The following HMCN1 variants were observed in gnomAD, a reference collection of about 807,000 sequenced individuals.
HMCN1 encodes the protein hemicentin-1.
HMCN1 carries 321 observed loss-of-function variants against 625.9 expected under a neutral mutation model. That is an observed-to-expected ratio of 0.51 (90% CI 0.47 to 0.56). The LOEUF (loss-of-function observed/expected upper bound fraction) is 0.56. HMCN1 is among the 20% of genes least tolerant of loss of function. The pLI is 0.00. For synonymous variants in HMCN1, 2,425 were observed against 2,417.6 expected, an observed-to-expected ratio of 1.00 and a Z score of -0.09; for missense variants, 6,588 against 6,887.3, an observed-to-expected ratio of 0.96 and a Z score of 1.54.
At chr1:186,069,077 C>G (rs1204022108) in intron 50 of HMCN1, among the ~76,000 whole-genome samples, 1 of 152,078 alleles carries the variant, frequency 6.6e-6, no homozygotes, top group Non-Finnish European at 1.5e-5. Flanking sequence ...AATGGCCTAG[C>G]CCTGCGCAAT....
In HMCN1 at chr1:185,923,483, T is replaced by C. The variant is rs1667101291; in HGVS notation, c.1115T>C (p.Leu372Pro). ...LELLSISGSS[L>P]KTIPVKYYPH... is the part of the protein sequence containing the mutation. The stretch of plus-strand genomic sequence containing the variant: ...CTTTTGAGTATCTCAGGAAGTTCTC[T>C]TAAGACTATTCCTGTTAAATATTAC... The change falls in exon 8 of 107, where the codon CTT (leucine) becomes CCT (proline). Residue 372 changes from leucine (L) to proline (P), a missense_variant. Physicochemically the swap from Leu to Pro is moderately conservative, Grantham distance 98. Coordinates refer to ENST00000271588, the MANE Select transcript of HMCN1 (RefSeq NM_031935.3). The C allele has an allele frequency of 1.2e-6, 2 of 1,611,770 alleles. No homozygotes were observed. The highest frequency in any genetic ancestry group is 1.7e-6 in the Non-Finnish European group (2 of 1,178,268).
chr1:185,940,748 A>G lies in HMCN1; in HGVS notation c.1828+6924A>G, dbSNP rs560072074. Among the ~76,000 whole-genome samples, 33 of 151,852 alleles carry G rather than the reference A, an allele frequency of 2.2e-4. No homozygotes were observed. The East Asian group carries it at 3.9e-3, about 18-fold the overall frequency. On this transcript the variant is annotated intron_variant, in intron 11 of 106. Coordinates refer to ENST00000271588, the MANE Select transcript of HMCN1 (RefSeq NM_031935.3). The stretch of plus-strand genomic sequence containing the variant: ...CTAGAAGCTTCTTTAATCAAGCTAC[A>G]TATTTTTCTTCTCTGAACACTTTTT...
At chr1:185,909,740 A>G (rs532876574) in intron 5 of HMCN1, among the ~76,000 whole-genome samples, 1 of 152,278 alleles carries the variant, frequency 6.6e-6, no homozygotes, top group South Asian at 2.1e-4. Context: ...GGTCAGATGT[A>G]GTATACTAAT....
chr1:185,963,970 AAATATT>A, intron 13 of HMCN1, 75 bp downstream of exon 13: 2 of 1,254,820 alleles, frequency 1.6e-6, no homozygotes, highest in Non-Finnish European at 2.3e-6. Flanking sequence ...TACTTTTTTG[AAATATT>A]AATATTAGTA....
chr1:185,832,606 A>T (rs908503581), intron 1 of HMCN1, among the ~76,000 whole-genome samples: 2 of 152,180 alleles, frequency 1.3e-5, no homozygotes, highest in African/African-American at 4.8e-5. Context: ...TATGCCTTAG[A>T]CTAGGATAAA....
At chr1:186,166,445 T>C in intron 99 of HMCN1, 142 bp downstream of exon 99, 1 of 1,077,528 alleles carries the variant, frequency 9.3e-7, no homozygotes. Context: ...TCCATTGGGC[T>C]GAGAAAGTAA....
intron 1 of HMCN1, among the ~76,000 whole-genome samples, chr1:185,781,747 C>T (rs944877654): frequency 5.9e-5 from 9 of 152,104 alleles, no homozygotes; most frequent in Non-Finnish European, 8.8e-5. Context: ...TTACATTTGC[C>T]GTATAGTGCT....
At chr1:185,832,522 G>A (rs112849248) in intron 1 of HMCN1, among the ~76,000 whole-genome samples, 1 of 152,082 alleles carries the variant, frequency 6.6e-6, no homozygotes, top group Non-Finnish European at 1.5e-5. Flanking sequence ...AATGTCAATG[G>A]AAAAAATGGG....
At chr1:186,156,986 A>G (rs1651068817) in intron 97 of HMCN1, among the ~76,000 whole-genome samples, 1 of 152,204 alleles carries the variant, frequency 6.6e-6, no homozygotes, top group Non-Finnish European at 1.5e-5. Flanking sequence ...GGTGATTATA[A>G]GAAAATCTTT....
chr1:186,164,240 C>CTTTTTTTT (rs57317105), intron 97 of HMCN1, among the ~76,000 whole-genome samples: 4,491 of 131,230 alleles, frequency 0.034, 453 homozygotes, highest in African/African-American at 0.13. Context: ...TAACTTAAAT[C>CTTTTTTTT]TTTTTTTTTT....
chr1:186,137,591 C>T lies in HMCN1; in HGVS notation c.13676C>T (p.Pro4559Leu). 1.2e-6 allele frequency: 2 copies of T among 1,613,974 alleles called. No homozygotes were observed. The highest frequency in any genetic ancestry group is 1.7e-6 in the Non-Finnish European group (2 of 1,179,960). ...AAGAGGAGTCGTCTGTGCAACCAGC[C>T]CCTTCCAGCCAATGGTGGGAAGCCC... The part of the protein sequence containing the change: ...IQKRSRLCNQ[P>L]LPANGGKPCQ... The change falls in exon 88 of 107, where the codon CCC (proline) becomes CTC (leucine). Residue 4559 changes from proline (P) to leucine (L), a missense_variant. Transcript: ENST00000271588.
At chr1:186,094,697 T>C (rs1660034204) in intron 67 of HMCN1, among the ~76,000 whole-genome samples, 1 of 152,168 alleles carries the variant, frequency 6.6e-6, no homozygotes, top group Non-Finnish European at 1.5e-5. Flanking sequence ...ATTAGCAGCT[T>C]GTTTGGAGTA....
chr1:186,018,180 T>C lies in HMCN1; in HGVS notation c.5301-3T>C, dbSNP rs373243780. On this transcript the variant is annotated splice_polypyrimidine_tract_variant and splice_region_variant and intron_variant, in intron 33 of 106. Coordinates refer to ENST00000271588, the MANE Select transcript of HMCN1 (RefSeq NM_031935.3). Reference sequence around the variant, plus strand: ...CCAGACTTCCTTTTGCCTTTTTCTATAGGTGGCTGAAGGATGGCCAGTTAA... The same window carrying C: ...CCAGACTTCCTTTTGCCTTTTTCTACAGGTGGCTGAAGGATGGCCAGTTAA... 87 of 1,610,748 alleles carry C rather than the reference T, an allele frequency of 5.4e-5. No homozygotes were observed. Among genetic ancestry groups the C allele is most frequent in the Non-Finnish European group, 7.0e-5 (82 of 1,177,304 alleles).
In HMCN1 at chr1:185,738,199, A is replaced by C. The variant is rs187268976; in HGVS notation, c.268+3152A>C. On this transcript the variant is annotated intron_variant, in intron 1 of 106. Coordinates refer to ENST00000271588, the MANE Select transcript of HMCN1 (RefSeq NM_031935.3). Reference sequence around the variant, plus strand: ...TCATCCACTTAAAGTGTACAATTTGATGCTTTTCAGTATATTCACAGATAG... The same window carrying C: ...TCATCCACTTAAAGTGTACAATTTGCTGCTTTTCAGTATATTCACAGATAG... Among the ~76,000 whole-genome samples the C allele has an allele frequency of 3.6e-4, 55 of 152,336 alleles. No individual in the cohort carries two copies. The East Asian group carries it at 0.01, about 28-fold the overall frequency.
chr1:186,119,216 A>G lies in HMCN1; in HGVS notation c.11874A>G (p.Gln3958=). The stretch of plus-strand genomic sequence containing the variant: ...GAGCAATTGAAATACTTGCCACCCA[A>G]TTAAACCATGCTGGAAGATACACTT... ...SSGAIEILAT[Q]LNHAGRYTCV... is the part of the protein sequence containing the mutation. Residue 3958 remains glutamine, a synonymous_variant, in exon 78 of 107, where the codon CAA becomes CAG. Coordinates refer to ENST00000271588, the MANE Select transcript of HMCN1 (RefSeq NM_031935.3). 6.2e-7 allele frequency: 1 copy of G among 1,613,862 alleles called. No homozygotes were observed. The highest frequency in any genetic ancestry group is 1.1e-5 in the South Asian group (1 of 91,080).
intron 82 of HMCN1, among the ~76,000 whole-genome samples, chr1:186,126,293 A>G (rs1661641309): frequency 6.6e-6 from 1 of 152,148 alleles, no homozygotes; most frequent in Non-Finnish European, 1.5e-5. Flanking sequence ...TCAAATATTC[A>G]ACAAATATTT....
intron 2 of HMCN1, 136 bp downstream of exon 2, chr1:185,846,232 C>A (rs1435849330): frequency 2.9e-6 from 2 of 680,172 alleles, no homozygotes; most frequent in Non-Finnish European, 5.2e-6. Flanking sequence ...ATCCCCCAGC[C>A]CTCAACCTGA....
intron 11 of HMCN1, among the ~76,000 whole-genome samples, chr1:185,949,192 G>A (rs1172588895): frequency 1.3e-5 from 2 of 151,836 alleles, no homozygotes; most frequent in African/African-American, 4.9e-5. Flanking sequence ...AGCTGTGATG[G>A]CTTGGAAAAA....
intron 97 of HMCN1, among the ~76,000 whole-genome samples, chr1:186,163,423 A>G (rs55700344): frequency 0.14 from 21,624 of 152,066 alleles, 2,741 homozygotes; most frequent in African/African-American, 0.34. Context: ...ACTGACCTGC[A>G]CCCACTGTCT....
Sources: allele counts gnomAD v4.1 joint callset (sites outside exome capture counted in the v4.1 genomes callset), GRCh38; gene constraint gnomAD v4.1.1; transcripts MANE v1.5; gene names NCBI Gene and HGNC (gene_info 2026-07-23, HGNC 2026-07-21).